GLYATL3: variants seen among roughly 807,000 people sequenced by gnomAD.
GLYATL3 encodes glycine N-acyltransferase-like protein 3.
Under a neutral mutation model 28.5 loss-of-function variants are expected in GLYATL3, and 31 were observed. The ratio of observed to expected loss-of-function variants is 1.09; its 90% confidence interval spans 0.82 to 1.47. The LOEUF (loss-of-function observed/expected upper bound fraction) is 1.47, where lower values mean the gene tolerates loss of function less well. Ranked by LOEUF, GLYATL3 falls within the 40% of genes most tolerant of loss-of-function variation. GLYATL3 has a pLI of 0.00. For missense variants in GLYATL3, 369 were observed against 351.5 expected (o/e 1.05, Z -0.40); for synonymous variants, 141 against 140.2 (o/e 1.01, Z -0.04).
intron 1 of GLYATL3, among the ~76,000 whole-genome samples, chr6:49,501,304 C>CA (rs1743702747): frequency 6.6e-6 from 1 of 152,068 alleles, no homozygotes; most frequent in Non-Finnish European, 1.5e-5. Context: ...CAGCAGCCCG[C>CA]AATGCAACGG....
chr6:49,505,342 T>C (rs1768992449), intron 1 of GLYATL3, among the ~76,000 whole-genome samples: 4 of 152,194 alleles, frequency 2.6e-5, no homozygotes, highest in African/African-American at 7.2e-5. Context: ...ATGGACTACA[T>C]AAGCTGAGTC....
chr6:49,520,595 G>A (rs1490572174), intron 4 of GLYATL3, among the ~76,000 whole-genome samples: 1 of 152,180 alleles, frequency 6.6e-6, no homozygotes, highest in Non-Finnish European at 1.5e-5. Context: ...CAAGCCATTA[G>A]TCATGGGAAG....
chr6:49,501,176 G>C (rs1270304600), intron 1 of GLYATL3, among the ~76,000 whole-genome samples: 1 of 152,148 alleles, frequency 6.6e-6, no homozygotes, highest in Non-Finnish European at 1.5e-5. Context: ...AAGGCAGGTG[G>C]ATCACATGAG....
chr6:49,524,193 C>CTGAAGCTTTTTTGCCCT (rs6149574), intron 5 of GLYATL3, among the ~76,000 whole-genome samples: 13 of 152,266 alleles, frequency 8.5e-5, no homozygotes, highest in African/African-American at 2.9e-4. Context: ...ATATTTCTGC[C>CTGAAGCTTTTTTGCCCT]TGCTTTAAAG....
intron 1 of GLYATL3, among the ~76,000 whole-genome samples, chr6:49,502,334 C>T (rs1201304472): frequency 2.6e-5 from 4 of 152,136 alleles, no homozygotes; most frequent in African/African-American, 4.8e-5. Context: ...TCAGATACAC[C>T]GTCTAAAACT....
At chr6:49,506,324 G>C (rs1259402053) in intron 1 of GLYATL3, among the ~76,000 whole-genome samples, 1 of 152,266 alleles carries the variant, frequency 6.6e-6, no homozygotes, top group Non-Finnish European at 1.5e-5. Flanking sequence ...ATATAATGAA[G>C]AATGTAATTA....
chr6:49,513,021 T>C (rs1429750693), intron 2 of GLYATL3, among the ~76,000 whole-genome samples: 8 of 152,188 alleles, frequency 5.3e-5, no homozygotes, highest in Admixed American at 4.6e-4. Context: ...CCAAGATCAA[T>C]GCTGACACTG....
At chr6:49,509,201 T>C (rs916976978) in intron 1 of GLYATL3, among the ~76,000 whole-genome samples, 5 of 152,160 alleles carry the variant, frequency 3.3e-5, no homozygotes, top group Admixed American at 1.3e-4. Context: ...TTGATTCTCA[T>C]TGTGGTAGTT....
chr6:49,501,709 G>A (rs1043320891), intron 1 of GLYATL3, among the ~76,000 whole-genome samples: 2 of 152,184 alleles, frequency 1.3e-5, no homozygotes, highest in Non-Finnish European at 2.9e-5. Flanking sequence ...CATAGAAACA[G>A]GATGTGAAGC....
intron 2 of GLYATL3, among the ~76,000 whole-genome samples, chr6:49,514,355 G>T (rs940512232): frequency 6.6e-6 from 1 of 152,120 alleles, no homozygotes; most frequent in Non-Finnish European, 1.5e-5. Context: ...TTGCTGTTTT[G>T]TAATCTACAG....
chr6:49,505,390 G>A (rs1768992998), intron 1 of GLYATL3, among the ~76,000 whole-genome samples: 1 of 152,192 alleles, frequency 6.6e-6, no homozygotes, highest in African/African-American at 2.4e-5. Context: ...ATCCTGTAAT[G>A]CAGAGATAAC....
At chr6:49,510,120 G>A (rs9473578) in intron 1 of GLYATL3, among the ~76,000 whole-genome samples, 18 of 151,394 alleles carry the variant, frequency 1.2e-4, no homozygotes, top group East Asian at 5.8e-4. Context: ...CCACAACCTC[G>A]CAACCTCCGC....
At chr6:49,508,141 A>T (rs2127431508) in intron 1 of GLYATL3, among the ~76,000 whole-genome samples, 1 of 152,110 alleles carries the variant, frequency 6.6e-6, no homozygotes, top group Middle Eastern at 3.4e-3. Flanking sequence ...CTAAAAATTT[A>T]AAAAATTAGC....
intron 2 of GLYATL3, among the ~76,000 whole-genome samples, chr6:49,512,694 G>A (rs926705675): frequency 5.9e-5 from 9 of 152,140 alleles, no homozygotes; most frequent in African/African-American, 9.7e-5. Context: ...CTTGAGCAAG[G>A]AGACTGCCCT....
chr6:49,525,898 TA>T (rs1769402553), intron 5 of GLYATL3, among the ~76,000 whole-genome samples: 1 of 152,162 alleles, frequency 6.6e-6, no homozygotes, highest in South Asian at 2.1e-4. Flanking sequence ...AGGCCAAACT[TA>T]ATTTATTTAA....
chr6:49,525,860 CG>C (rs1051896046), intron 5 of GLYATL3, among the ~76,000 whole-genome samples: 9 of 152,082 alleles, frequency 5.9e-5, no homozygotes, highest in African/African-American at 1.9e-4. Flanking sequence ...GTTCAACACG[CG>C]GGGACTCAAG....
At chr6:49,520,495 T>C (rs1769294785) in intron 4 of GLYATL3, among the ~76,000 whole-genome samples, 1 of 152,224 alleles carries the variant, frequency 6.6e-6, no homozygotes, top group South Asian at 2.1e-4. Flanking sequence ...AAGGCTCCGA[T>C]ACCACACTGT....
intron 1 of GLYATL3, among the ~76,000 whole-genome samples, chr6:49,505,350 G>C (rs1768992483): frequency 6.6e-6 from 1 of 152,186 alleles, no homozygotes; most frequent in Non-Finnish European, 1.5e-5. Flanking sequence ...CATAAGCTGA[G>C]TCAGAGACAA....
At position 49,515,749 on chromosome 6, in the gene GLYATL3, C is replaced by T. The variant is rs371640357; in HGVS notation, c.175C>T (p.Arg59Ter). 5.0e-5 allele frequency: 77 copies of T among 1,538,696 alleles called. No individual in the cohort carries two copies. The African/African-American group carries it at 5.9e-4, about 12-fold the overall frequency. Residue 59 changes from arginine to a stop codon, truncating the protein, a stop_gained, in exon 3 of 6, where the codon CGA becomes TGA. Coordinates refer to ENST00000371197, the MANE Select transcript of GLYATL3 (RefSeq NM_001010904.2). LOFTEE classifies it high-confidence loss of function. ...WPDFKAVITR[R>*]QREAETDNLD... Reference sequence around the variant, plus strand: ...GGATTTCAAAGCTGTTATCACCCGACGACAAAGAGAGGTACAGTTTTGAAA... The same window carrying T: ...GGATTTCAAAGCTGTTATCACCCGATGACAAAGAGAGGTACAGTTTTGAAA...
Sources: gnomAD v4.1 joint callset for allele counts (sites outside exome capture counted in the v4.1 genomes callset) on GRCh38, gnomAD v4.1.1 for gene constraint, MANE v1.5 for transcripts, NCBI Gene and HGNC (gene_info 2026-07-23, HGNC 2026-07-21) for gene names.